The following LDLRAD4 variants were observed in gnomAD, a reference collection of about 807,000 sequenced individuals.
The protein encoded by LDLRAD4 is low-density lipoprotein receptor class A domain-containing protein 4.
In LDLRAD4, 5 loss-of-function variants were observed where a neutral mutation model predicts 17.0. That is an observed-to-expected ratio of 0.29 (90% CI 0.15 to 0.62). The LOEUF (loss-of-function observed/expected upper bound fraction) is 0.62. Ranked by LOEUF, LDLRAD4 falls within the 20% of genes least tolerant of loss-of-function variation. LDLRAD4 has a pLI of 0.84. For missense variants in LDLRAD4, 340 were observed against 424.7 expected, an observed-to-expected ratio of 0.80 and a Z score of 1.75; for synonymous variants, 168 against 171.8, an observed-to-expected ratio of 0.98 and a Z score of 0.17.
At chr18:13,583,995 G>C (rs1310274687) in intron 3 of LDLRAD4, among the ~76,000 whole-genome samples, 1 of 152,082 alleles carries the variant, frequency 6.6e-6, no homozygotes, top group Non-Finnish European at 1.5e-5. Flanking sequence ...GGCTTCCCTT[G>C]AGGACCACCA....
intron 3 of LDLRAD4, among the ~76,000 whole-genome samples, chr18:13,473,679 AACGTTTACATTTTATATATATT>A (rs2092854830): frequency 3.8e-5 from 1 of 26,032 alleles, no homozygotes; most frequent in Non-Finnish European, 9.4e-5. Context: ...ATATATATAT[AACGTTTACATTTTATATATATT>A]TATAATATAC....
intron 3 of LDLRAD4, among the ~76,000 whole-genome samples, chr18:13,449,677 C>A (rs1455474207): frequency 6.6e-6 from 1 of 152,244 alleles, no homozygotes; most frequent in Non-Finnish European, 1.5e-5. Flanking sequence ...TTATCTATCT[C>A]TTCATTGTTA....
At chr18:13,385,735 A>G (rs1253087518) in intron 1 of LDLRAD4, among the ~76,000 whole-genome samples, 2 of 152,212 alleles carry the variant, frequency 1.3e-5, no homozygotes, top group Non-Finnish European at 1.5e-5. Context: ...TAGTGCAACT[A>G]GTTTTCTTCC....
chr18:13,325,015 A>G (rs2081445446), intron 1 of LDLRAD4, among the ~76,000 whole-genome samples: 1 of 152,156 alleles, frequency 6.6e-6, no homozygotes, highest in East Asian at 1.9e-4. Flanking sequence ...AGAGTAGAGG[A>G]AGAAGTCATG....
intron 3 of LDLRAD4, among the ~76,000 whole-genome samples, chr18:13,600,234 T>C (rs1427466984): frequency 6.6e-6 from 1 of 152,234 alleles, no homozygotes; most frequent in Non-Finnish European, 1.5e-5. Flanking sequence ...TTTTAAAAAA[T>C]GAATTAATTG....
At chr18:13,611,087 G>C (rs951980091) in intron 3 of LDLRAD4, 1 of 154,384 alleles carries the variant, frequency 6.5e-6, no homozygotes, top group African/African-American at 2.4e-5. Flanking sequence ...ATGAGAAAGT[G>C]ATGTCTTCTA....
At chr18:13,626,313 T>C (rs1486831056) in intron 4 of LDLRAD4, among the ~76,000 whole-genome samples, 7 of 152,136 alleles carry the variant, frequency 4.6e-5, no homozygotes, top group African/African-American at 1.7e-4. Context: ...GGCATGAATA[T>C]TCTAGACACA....
At chr18:13,324,612 C>G (rs2081422176) in intron 1 of LDLRAD4, among the ~76,000 whole-genome samples, 2 of 152,064 alleles carry the variant, frequency 1.3e-5, no homozygotes. Flanking sequence ...GGCCAGGCAT[C>G]CGGGCAGCAG....
intron 1 of LDLRAD4, among the ~76,000 whole-genome samples, chr18:13,376,821 T>A (rs1369600978): frequency 6.6e-6 from 1 of 152,242 alleles, no homozygotes; most frequent in Non-Finnish European, 1.5e-5. Context: ...TTGCTTTTCC[T>A]GTGTGAGAGC....
chr18:13,274,708 A>C (rs1355612611), upstream of LDLRAD4, among the ~76,000 whole-genome samples: 1 of 152,190 alleles, frequency 6.6e-6, no homozygotes, highest in Non-Finnish European at 1.5e-5. Flanking sequence ...AATTGTATTG[A>C]TTTAAATATT....
At chr18:13,273,654 C>T (rs574180629), upstream of LDLRAD4, among the ~76,000 whole-genome samples, 11 of 152,282 alleles carry the variant, frequency 7.2e-5, no homozygotes, top group East Asian at 1.9e-3. Flanking sequence ...AGTCCTGCTC[C>T]CCAGAAAGGC....
In LDLRAD4 at chr18:13,621,350, G is replaced by A. The variant is rs2040612442; in HGVS notation, c.336+79G>A. Reference sequence around the variant, plus strand: ...GAGCCCATCAGGGTTCAGAGGCCGGGAGTGCTTTCAGTTGACATGTAACAA... The same window carrying A: ...GAGCCCATCAGGGTTCAGAGGCCGGAAGTGCTTTCAGTTGACATGTAACAA... On this transcript the variant is annotated intron_variant, in intron 4 of 5. Transcript: ENST00000359446. The surrounding 1 kb of genome is among the most constrained non-coding windows in gnomAD (Gnocchi z 5.5). 1.7e-6 allele frequency: 2 copies of A among 1,158,378 alleles called. No homozygotes were observed. The highest frequency in any genetic ancestry group is 2.5e-6 in the Non-Finnish European group (2 of 788,110). 71.8% of individuals were successfully genotyped at this position (1,158,378 alleles called of 1,614,324 possible). A position where few individuals can be genotyped will look rare whatever the true frequency, so the allele number is the denominator to read the frequency against.
chr18:13,218,399 C>T (rs2041266578), upstream of LDLRAD4, among the ~76,000 whole-genome samples: 1 of 152,214 alleles, frequency 6.6e-6, no homozygotes. Flanking sequence ...TTCCTGGTGC[C>T]CTGGGGCGCA....
chr18:13,576,240 G>A (rs1042678672), intron 3 of LDLRAD4, among the ~76,000 whole-genome samples: 1 of 151,984 alleles, frequency 6.6e-6, no homozygotes, highest in South Asian at 2.1e-4. Flanking sequence ...TGGGTAACAC[G>A]GGGAAACCTG....
Position 13,645,702 on chromosome 18 carries a change from G to A in LDLRAD4, c.*45G>A, listed in dbSNP as rs2042987936. ...CAGCTGGAGAAAGAAACCAAGAAGG[G>A]AAGCGGCCGCTGGGCCCCTCCTGCG... On this transcript the variant is annotated 3_prime_UTR_variant, in exon 6 of 6. Transcript: ENST00000359446. This position sits in a 1 kb window ranked among gnomAD's most constrained non-coding sequence, Gnocchi z 5.7. The A allele has an allele frequency of 6.9e-7, 1 of 1,456,482 alleles. No individual in the cohort carries two copies. Among genetic ancestry groups the A allele is most frequent in the African/African-American group, 1.4e-5 (1 of 70,628 alleles). The allele number at this position is 1,456,482 out of a possible 1,614,324, so 90.2% of individuals were successfully genotyped here. A position where few individuals can be genotyped will look rare whatever the true frequency, so the allele number is the denominator to read the frequency against.
chr18:13,498,685 C>T (rs2093536625), intron 3 of LDLRAD4, among the ~76,000 whole-genome samples: 1 of 150,396 alleles, frequency 6.6e-6, no homozygotes, highest in Non-Finnish European at 1.5e-5. Context: ...ACACGTCCTG[C>T]TGTGGACACT....
chr18:13,244,970 T>C (rs1381768968), intron 1 of LDLRAD4, among the ~76,000 whole-genome samples: 1 of 152,232 alleles, frequency 6.6e-6, no homozygotes, highest in Admixed American at 6.5e-5. Context: ...GGTCCGTCTG[T>C]GGCCCCTGCA....
chr18:13,468,373 G>A (rs2092681683), intron 3 of LDLRAD4, among the ~76,000 whole-genome samples: 2 of 152,186 alleles, frequency 1.3e-5, no homozygotes, highest in South Asian at 2.1e-4. Flanking sequence ...AGGATGTGGA[G>A]AAATAGGAAC....
At chr18:13,455,849 A>G in intron 3 of LDLRAD4, among the ~76,000 whole-genome samples, 1 of 152,184 alleles carries the variant, frequency 6.6e-6, no homozygotes, top group East Asian at 1.9e-4. Context: ...TTGCAGTTGT[A>G]TATTTTTAAG....
Sources: allele counts gnomAD v4.1 joint callset (sites outside exome capture counted in the v4.1 genomes callset), GRCh38; gene constraint gnomAD v4.1.1; non-coding constraint Gnocchi (gnomAD v3.1); transcripts MANE v1.5; gene names NCBI Gene and HGNC (gene_info 2026-07-23, HGNC 2026-07-21).